The following PCDH11X variants were observed in gnomAD, a reference collection of about 807,000 sequenced individuals.
The protein encoded by PCDH11X is protocadherin-11 X-linked.
Under a neutral mutation model 53.3 loss-of-function variants are expected in PCDH11X, and 18 were observed. That is an observed-to-expected ratio of 0.34 (90% CI 0.23 to 0.50). The LOEUF is 0.50. Among genes scored for constraint, PCDH11X ranks in the 20% least tolerant of loss-of-function variants. The probability of loss-of-function intolerance (pLI) is 0.98; values close to 1 mark genes in which losing one functional copy is unlikely to be tolerated. For synonymous variants in PCDH11X, 279 were observed against 393.3 expected (o/e 0.71, Z 3.44); for missense variants, 570 against 1,032.4 (o/e 0.55, Z 6.14).
At chrX:92,100,171 T>C (rs933125828) in intron 6 of PCDH11X, among the ~76,000 whole-genome samples, 2 of 111,563 alleles carry the variant, frequency 1.8e-5, no homozygotes, top group African/African-American at 6.5e-5. Context: ...ATTAAAACCA[T>C]GTAACAAGGT....
At chrX:92,272,688 C>G (rs1300563715) in intron 8 of PCDH11X, among the ~76,000 whole-genome samples, 1 of 112,033 alleles carries the variant, frequency 8.9e-6, no homozygotes, top group East Asian at 2.8e-4. Context: ...CACTTGAAAC[C>G]TAGTAAATAT....
intron 10 of PCDH11X, among the ~76,000 whole-genome samples, chrX:92,567,583 T>C (rs929161639): frequency 6.5e-5 from 7 of 106,984 alleles, no homozygotes; most frequent in African/African-American, 2.4e-4. Context: ...CAAAAACAAT[T>C]TGACTTTCTC....
intron 6 of PCDH11X, among the ~76,000 whole-genome samples, chrX:92,106,504 T>C (rs1378876172): frequency 1.8e-5 from 2 of 111,567 alleles, no homozygotes; most frequent in East Asian, 5.6e-4. Context: ...TTTTTATCAA[T>C]TTTGTGCAAC....
intron 7 of PCDH11X, among the ~76,000 whole-genome samples, chrX:92,231,038 C>G (rs2067066681): frequency 9.0e-6 from 1 of 111,462 alleles, no homozygotes; most frequent in Non-Finnish European, 1.9e-5. Flanking sequence ...CAATTCTTCA[C>G]CAACATCTGC....
chrX:92,158,726 C>A (rs919614623), intron 6 of PCDH11X, among the ~76,000 whole-genome samples: 1 of 110,073 alleles, frequency 9.1e-6, no homozygotes, highest in African/African-American at 3.3e-5. Flanking sequence ...ACCTCCGCCT[C>A]CTAGGTTTAA....
chrX:92,028,822 G>T (rs1413308798), intron 6 of PCDH11X, among the ~76,000 whole-genome samples: 2 of 110,925 alleles, frequency 1.8e-5, no homozygotes, highest in African/African-American at 6.6e-5. Flanking sequence ...GACTCACCAG[G>T]TATAAACATT....
chrX:92,352,792 CACAG>C (rs1333703573), intron 8 of PCDH11X, among the ~76,000 whole-genome samples: 1 of 111,635 alleles, frequency 9.0e-6, no homozygotes, highest in Non-Finnish European at 1.9e-5. Context: ...AGGTTGTCTG[CACAG>C]ACAGAGTCCT....
intron 4 of PCDH11X, among the ~76,000 whole-genome samples, chrX:91,827,365 A>C (rs1936959334): frequency 9.0e-6 from 1 of 111,557 alleles, no homozygotes; most frequent in Non-Finnish European, 1.9e-5. Flanking sequence ...GACCTTTGTC[A>C]GATGCATAGT....
chrX:92,319,203 G>T (rs1047101338), intron 8 of PCDH11X, among the ~76,000 whole-genome samples: 2 of 111,722 alleles, frequency 1.8e-5, no homozygotes, highest in Non-Finnish European at 1.9e-5. Context: ...TGAACTTTAA[G>T]CAGGGATCCT....
intron 7 of PCDH11X, among the ~76,000 whole-genome samples, chrX:92,206,980 G>T (rs1303804183): frequency 9.0e-6 from 1 of 111,671 alleles, no homozygotes; most frequent in African/African-American, 3.3e-5. Flanking sequence ...AATCAAATGA[G>T]AATGTCCATT....
At chrX:92,406,934 A>G (rs1222158188) in intron 9 of PCDH11X, among the ~76,000 whole-genome samples, 1 of 100,501 alleles carries the variant, frequency 1.0e-5, no homozygotes, top group African/African-American at 3.6e-5. Flanking sequence ...CTCATAAAAA[A>G]AAAAAAAAAA....
chrX:92,165,541 T>C (rs1303115143), intron 6 of PCDH11X, among the ~76,000 whole-genome samples: 1 of 112,139 alleles, frequency 8.9e-6, no homozygotes, highest in Non-Finnish European at 1.9e-5. Context: ...GTGAAAAAGA[T>C]TCAATTCCAG....
chrX:92,479,636 T>C (rs1303990379), intron 10 of PCDH11X, among the ~76,000 whole-genome samples: 1 of 110,144 alleles, frequency 9.1e-6, no homozygotes, highest in East Asian at 2.9e-4. Context: ...TGGCCAGATA[T>C]GAAACTCTGG....
At chrX:91,997,473 G>C (rs1602645005) in intron 6 of PCDH11X, among the ~76,000 whole-genome samples, 1 of 111,280 alleles carries the variant, frequency 9.0e-6, no homozygotes, top group South Asian at 3.8e-4. Context: ...CTATTAAGAT[G>C]ATTATATGAT....
intron 6 of PCDH11X, among the ~76,000 whole-genome samples, chrX:91,929,367 G>C (rs1942048804): frequency 9.1e-6 from 1 of 110,291 alleles, no homozygotes. Context: ...TATGTGCCAG[G>C]TACTAGTCTG....
At chrX:92,480,381 C>T (rs2073476825) in intron 10 of PCDH11X, among the ~76,000 whole-genome samples, 2 of 111,129 alleles carry the variant, frequency 1.8e-5, no homozygotes, top group African/African-American at 3.3e-5. Context: ...AGTGAAGAAC[C>T]GTTGCTAGAG....
intron 8 of PCDH11X, among the ~76,000 whole-genome samples, chrX:92,336,537 A>G (rs1177945495): frequency 8.9e-6 from 1 of 111,827 alleles, no homozygotes; most frequent in Non-Finnish European, 1.9e-5. Context: ...AACATATGAA[A>G]ACTTTTTCAT....
chrX:92,197,189 T>G (rs2066306319), intron 6 of PCDH11X, among the ~76,000 whole-genome samples: 1 of 111,536 alleles, frequency 9.0e-6, no homozygotes, highest in Admixed American at 9.6e-5. Flanking sequence ...CTTTTAAATA[T>G]ATATCTTTTC....
At chrX:91,806,929 T>C (rs780450967) in intron 1 of PCDH11X, among the ~76,000 whole-genome samples, 135 of 112,014 alleles carry the variant, frequency 1.2e-3, no homozygotes, top group African/African-American at 4.3e-3. Context: ...GATGTGGTCT[T>C]ATAGATGTAT....
Sources: allele counts gnomAD v4.1 joint callset (sites outside exome capture counted in the v4.1 genomes callset), GRCh38; gene constraint gnomAD v4.1.1; transcripts MANE v1.5; gene names NCBI Gene and HGNC (gene_info 2026-07-23, HGNC 2026-07-21).